NFKBIZ: variants seen among roughly 807,000 people sequenced by gnomAD.
The protein encoded by NFKBIZ is NF-kappa-B inhibitor zeta.
NFKBIZ carries 19 observed loss-of-function variants against 76.8 expected under a neutral mutation model. The ratio of observed to expected loss-of-function variants is 0.25; its 90% CI spans 0.17 to 0.36. The LOEUF (loss-of-function observed/expected upper bound fraction) is 0.36, where lower values mean the gene tolerates loss of function less well. Ranked by LOEUF, NFKBIZ falls within the 10% of genes least tolerant of loss-of-function variation. The probability of loss-of-function intolerance (pLI) is 1.00; values close to 1 mark genes in which losing one functional copy is unlikely to be tolerated. For missense variants in NFKBIZ, 829 were observed against 910.9 expected (o/e 0.91, Z 1.16); for synonymous variants, 368 against 354.8 (o/e 1.04, Z -0.42).
chr3:101,846,640 A>G (rs1366092616), upstream of NFKBIZ, among the ~76,000 whole-genome samples: 1 of 152,202 alleles, frequency 6.6e-6, no homozygotes, highest in Non-Finnish European at 1.5e-5. Flanking sequence ...TTTTGTAAAA[A>G]ATTACTTTCT....
chr3:101,858,953 A>G (rs999416363), intron 11 of NFKBIZ, among the ~76,000 whole-genome samples: 1 of 152,186 alleles, frequency 6.6e-6, no homozygotes, highest in African/African-American at 2.4e-5. Flanking sequence ...TAAGTGAGAT[A>G]TTATAATATG....
chr3:101,847,862 C>T (rs912810907), upstream of NFKBIZ, among the ~76,000 whole-genome samples: 4 of 152,178 alleles, frequency 2.6e-5, no homozygotes, highest in African/African-American at 9.7e-5. Context: ...ATCGTGTCCC[C>T]CCCTTCGTCC....
intron 1 of NFKBIZ, 116 bp downstream of exon 1, chr3:101,850,033 C>A (rs1942926176): frequency 9.8e-7 from 1 of 1,023,154 alleles, no homozygotes; most frequent in Non-Finnish European, 1.3e-6. Context: ...AGGACGTACG[C>A]ACCTTAGCCA....
At position 101,858,143 on chromosome 3, in the gene NFKBIZ, A is replaced by AG. The variant is rs1943078420; in HGVS notation, c.2103+689dup. The AG allele has an allele frequency of 1.0e-5, 10 of 984,376 alleles. No homozygotes were observed. In the African/African-American group the frequency reaches 1.4e-4, roughly 14 times the overall value. The allele number at this position is 984,376 out of a possible 1,614,324, so 61.0% of individuals were successfully genotyped here. The stretch of plus-strand genomic sequence containing the variant: ...TGGAACTCTTTTCCTGGGAGGAATG[A>AG]GGGGGATTGTGGCTGTGGGTAGGTC... On this transcript the variant is annotated intron_variant, in intron 11 of 11. Coordinates refer to ENST00000326172, the MANE Select transcript of NFKBIZ (RefSeq NM_031419.4).
intron 1 of NFKBIZ, among the ~76,000 whole-genome samples, chr3:101,850,692 A>C (rs946620889): frequency 3.9e-5 from 6 of 152,236 alleles, no homozygotes; most frequent in African/African-American, 1.4e-4. Context: ...GAACGTTGAG[A>C]GTAATTAGCA....
At chr3:101,850,109 C>A (rs181272860) in intron 1 of NFKBIZ, among the ~76,000 whole-genome samples, 192 bp downstream of exon 1, 2 of 152,204 alleles carry the variant, frequency 1.3e-5, no homozygotes, top group African/African-American at 4.8e-5. Context: ...TTCGCCGGCC[C>A]GCGGAACCGG....
intron 2 of NFKBIZ, among the ~76,000 whole-genome samples, chr3:101,832,273 C>CTTAAAT (rs1942657050): frequency 6.6e-6 from 1 of 152,006 alleles, no homozygotes; most frequent in Non-Finnish European, 1.5e-5. Flanking sequence ...TGATTATATC[C>CTTAAAT]TTAAATACTT....
chr3:101,842,514 A>G (rs2107402950), intron 2 of NFKBIZ, among the ~76,000 whole-genome samples: 1 of 152,094 alleles, frequency 6.6e-6, no homozygotes, highest in South Asian at 2.1e-4. Flanking sequence ...CCCAACACAA[A>G]TTCATAAACT....
intron 2 of NFKBIZ, among the ~76,000 whole-genome samples, chr3:101,842,979 A>G (rs1316722824): frequency 2.0e-5 from 3 of 149,084 alleles, no homozygotes; most frequent in African/African-American, 7.4e-5. Context: ...AAAATTATTT[A>G]AATCTGTACT....
chr3:101,831,579 C>T (rs189971941), intron 2 of NFKBIZ, among the ~76,000 whole-genome samples: 50 of 151,766 alleles, frequency 3.3e-4, no homozygotes, highest in Non-Finnish European at 6.6e-4. Context: ...TTTTCTCCTC[C>T]TCCTCCTTTT....
chr3:101,855,969 T>A lies in NFKBIZ; in HGVS notation c.1824+67T>A, dbSNP rs1301192048. 8 of 1,384,458 alleles carry A rather than the reference T, an allele frequency of 5.8e-6. No individual in the cohort carries two copies. The East Asian group carries it at 1.6e-4, about 29-fold the overall frequency. The allele number at this position is 1,384,458 out of a possible 1,614,324, so 85.8% of individuals were successfully genotyped here. A position where few individuals can be genotyped will look rare whatever the true frequency, so the allele number is the denominator to read the frequency against. ...CTGGTTATATAGCAAAAGACCTTGC[T>A]TCCAAGTACAGATTCAAACTTCTTT... On this transcript the variant is annotated intron_variant, in intron 9 of 11. Coordinates refer to ENST00000326172, the MANE Select transcript of NFKBIZ (RefSeq NM_031419.4).
chr3:101,843,180 A>G (rs779182863), intron 2 of NFKBIZ, among the ~76,000 whole-genome samples: 1 of 152,092 alleles, frequency 6.6e-6, no homozygotes, highest in Non-Finnish European at 1.5e-5. Context: ...TACGCCTGTA[A>G]TCCTAGTGAC....
In NFKBIZ at chr3:101,849,849, C is replaced by A; in HGVS notation, c.221C>A (p.Ser74Ter). The change falls in exon 1 of 12, where the codon TCG becomes TAG. Residue 74 changes from serine to a stop codon, truncating the protein, a stop_gained. Coordinates refer to ENST00000326172, the MANE Select transcript of NFKBIZ (RefSeq NM_031419.4). LOFTEE classifies it high-confidence loss of function. ...GACTCCTCCGACTTCTCCTCTGCCTCGTCGGTGTCCTCCTGCGGCGCCGTG... is the reference window on the plus strand; with the variant it reads ...GACTCCTCCGACTTCTCCTCTGCCTAGTCGGTGTCCTCCTGCGGCGCCGTG... ...GSDSSDFSSA[S>*]SVSSCGAVES... is the part of the protein sequence containing the mutation. The A allele has an allele frequency of 6.8e-7, 1 of 1,471,366 alleles. No individual in the cohort carries two copies. Among genetic ancestry groups the A allele is most frequent in the Non-Finnish European group, 8.9e-7 (1 of 1,118,794 alleles). The allele number at this position is 1,471,366 out of a possible 1,614,324, so 91.1% of individuals were successfully genotyped here. A position where few individuals can be genotyped will look rare whatever the true frequency, so the allele number is the denominator to read the frequency against.
chr3:101,850,269 G>A (rs1462955228), intron 1 of NFKBIZ: 1 of 221,678 alleles, frequency 4.5e-6, no homozygotes, highest in East Asian at 9.5e-5. Flanking sequence ...GTCTGATGTA[G>A]GTGTAATTTT....
intron 2 of NFKBIZ, among the ~76,000 whole-genome samples, chr3:101,842,844 T>G (rs1159471877): frequency 2.0e-5 from 3 of 151,490 alleles, no homozygotes; most frequent in African/African-American, 7.3e-5. Context: ...TAAAGGCCTG[T>G]CTTGGATAGT....
At chr3:101,835,884 G>A (rs747725458) in intron 2 of NFKBIZ, among the ~76,000 whole-genome samples, 1 of 152,140 alleles carries the variant, frequency 6.6e-6, no homozygotes, top group Non-Finnish European at 1.5e-5. Flanking sequence ...GTCCAATTGT[G>A]GTTCAGCAGG....
At chr3:101,847,438 A>G (rs556457419), upstream of NFKBIZ, among the ~76,000 whole-genome samples, 1 of 152,246 alleles carries the variant, frequency 6.6e-6, no homozygotes, top group Non-Finnish European at 1.5e-5. Context: ...GAAACAAGGA[A>G]ATACAGTCAT....
At chr3:101,850,683 A>T (rs1179788149) in intron 1 of NFKBIZ, among the ~76,000 whole-genome samples, 1 of 152,184 alleles carries the variant, frequency 6.6e-6, no homozygotes, top group East Asian at 1.9e-4. Flanking sequence ...TCGATAATTG[A>T]ACGTTGAGAG....
chr3:101,850,234 T>G (rs1333255037), intron 1 of NFKBIZ: 2 of 298,038 alleles, frequency 6.7e-6, no homozygotes, highest in African/African-American at 4.3e-5. Context: ...TGAGTCATAA[T>G]TAATAAACTA....
Sources: allele counts gnomAD v4.1 joint callset (sites outside exome capture counted in the v4.1 genomes callset), GRCh38; gene constraint gnomAD v4.1.1; transcripts MANE v1.5; gene names NCBI Gene and HGNC (gene_info 2026-07-23, HGNC 2026-07-21).